FANCI: variants seen among roughly 807,000 people sequenced by gnomAD.
FANCI encodes the protein FA complementation group I, also known as Fanconi anemia group I protein.
In FANCI, 156 loss-of-function variants were observed where a neutral mutation model predicts 176.1. That is an observed-to-expected ratio of 0.89 (90% CI 0.78 to 1.01). FANCI has a LOEUF of 1.01. Among genes scored for constraint, FANCI ranks in the 50% least tolerant of loss-of-function variants. The pLI, the probability that FANCI is intolerant of heterozygous loss-of-function variation, is 0.00. For missense variants in FANCI, 1,678 were observed against 1,534.1 expected (o/e 1.09, Z -1.57); for synonymous variants, 613 against 541.7 (o/e 1.13, Z -1.83).
At position 89,300,387 on chromosome 15, in the gene FANCI, T is replaced by C. The variant is rs1357692627; in HGVS notation, c.2889+2T>C. On this transcript the variant is annotated splice_donor_variant, in intron 26 of 37. Coordinates refer to ENST00000310775, the MANE Select transcript of FANCI (RefSeq NM_001113378.2). LOFTEE classifies it high-confidence loss of function. Reference sequence around the variant, plus strand: ...GCATTCCAGATCCGGCAATTTCAGGTGAGAAGCCTTGCAAAGCTGCTGTAC... The same window carrying C: ...GCATTCCAGATCCGGCAATTTCAGGCGAGAAGCCTTGCAAAGCTGCTGTAC... The C allele has an allele frequency of 1.2e-6, 2 of 1,613,108 alleles. No homozygotes were observed. Among genetic ancestry groups the C allele is most frequent in the East Asian group, 4.5e-5 (2 of 44,862 alleles).
chr15:89,262,296 T>G (rs1296033605), intron 6 of FANCI, among the ~76,000 whole-genome samples: 1 of 152,140 alleles, frequency 6.6e-6, no homozygotes, highest in African/African-American at 2.4e-5. Context: ...ATGTATCCTT[T>G]AACCAGTAAT....
In FANCI at chr15:89,315,385, AAG is replaced by A; in HGVS notation, c.3923_3924del (p.Glu1308GlyfsTer29). 6.2e-7 allele frequency: 1 copy of A among 1,606,466 alleles called. No individual in the cohort carries two copies. Among genetic ancestry groups the A allele is most frequent in the African/African-American group, 1.3e-5 (1 of 74,872 alleles). ...CGAGAGGATGGTGAAGATGAAAATG[AAG>A]AGGTCAGTGCTGGCTTCTGTCTGGA... On this transcript the variant is annotated frameshift_variant and splice_region_variant, in exon 37 of 38. Coordinates refer to ENST00000310775, the MANE Select transcript of FANCI (RefSeq NM_001113378.2). LOFTEE classifies it high-confidence loss of function.
chr15:89,255,832 A>T (rs1306001403), intron 2 of FANCI, among the ~76,000 whole-genome samples: 1 of 152,226 alleles, frequency 6.6e-6, no homozygotes, highest in Non-Finnish European at 1.5e-5. Flanking sequence ...AAGACTGAAG[A>T]TCACATAAGT....
At chr15:89,308,490 G>A (rs2054817082) in intron 34 of FANCI, among the ~76,000 whole-genome samples, 1 of 152,218 alleles carries the variant, frequency 6.6e-6, no homozygotes, top group South Asian at 2.1e-4. Context: ...GTCAATCTCA[G>A]CCAAGATTCT....
chr15:89,301,382 C>T lies in FANCI; in HGVS notation c.2946C>T (p.Ala982=), dbSNP rs762453164. The T allele has an allele frequency of 1.1e-5, 18 of 1,613,944 alleles. No homozygotes were observed. The African/African-American group carries it at 1.7e-4, about 16-fold the overall frequency. The change falls in exon 27 of 38, where the codon GCC becomes GCT. Residue 982 remains alanine, a synonymous_variant. Coordinates refer to ENST00000310775, the MANE Select transcript of FANCI (RefSeq NM_001113378.2). Reference sequence around the variant, plus strand: ...AGGAAGATTTTAATAGCAAAGAAGCCCTCCTGCTAGTCACGGTTCTTACCA... The same window carrying T: ...AGGAAGATTTTAATAGCAAAGAAGCTCTCCTGCTAGTCACGGTTCTTACCA... ...SQEEDFNSKE[A]LLLVTVLTSL...
intron 35 of FANCI, among the ~76,000 whole-genome samples, chr15:89,314,221 G>C (rs575391358): frequency 6.6e-6 from 1 of 152,064 alleles, no homozygotes; most frequent in African/African-American, 2.4e-5. Flanking sequence ...TACAATTCAC[G>C]TTAGGGGGAA....
At chr15:89,315,435 G>T in intron 37 of FANCI, 46 bp downstream of exon 37, 5 of 1,332,740 alleles carry the variant, frequency 3.8e-6, no homozygotes, top group Non-Finnish European at 5.4e-6. Flanking sequence ...TTCCTAGCTG[G>T]TTAGCAGCCT....
intron 5 of FANCI, 37 bp downstream of exon 5, chr15:89,261,778 G>A: frequency 6.2e-7 from 1 of 1,614,096 alleles, no homozygotes; most frequent in Non-Finnish European, 8.5e-7. Flanking sequence ...TTTTCTCTAT[G>A]CACATAATCA....
chr15:89,261,224 T>C (rs543635739), intron 4 of FANCI, among the ~76,000 whole-genome samples: 12 of 152,198 alleles, frequency 7.9e-5, no homozygotes, highest in African/African-American at 2.4e-4. Flanking sequence ...TGAGCCGAGA[T>C]TGCACCGCTG....
chr15:89,295,869 G>A (rs1301084430), intron 24 of FANCI, among the ~76,000 whole-genome samples: 1 of 151,950 alleles, frequency 6.6e-6, no homozygotes, highest in Non-Finnish European at 1.5e-5. Flanking sequence ...TTCCTCCGAG[G>A]TTCAAGCAGT....
At chr15:89,272,673 TA>T (rs1363834989) in intron 10 of FANCI, among the ~76,000 whole-genome samples, 1 of 152,140 alleles carries the variant, frequency 6.6e-6, no homozygotes, top group South Asian at 2.1e-4. Context: ...TTATTACTAT[TA>T]AAAAATGTTT....
intron 24 of FANCI, among the ~76,000 whole-genome samples, chr15:89,297,800 GT>G (rs1218342891): frequency 4.1e-4 from 61 of 150,392 alleles, no homozygotes; most frequent in African/African-American, 1.3e-3. Flanking sequence ...GGGCTCGTTT[GT>G]TTTTTTGTTT....
At position 89,305,056 on chromosome 15, in the gene FANCI, G is replaced by C. The variant is rs528474615; in HGVS notation, c.3059-59G>C. 3.9e-5 allele frequency: 62 copies of C among 1,602,316 alleles called. No homozygotes were observed. In the South Asian group the frequency reaches 6.4e-4, roughly 17 times the overall value. ...CTCCCAAAGTGCTGGGATTACAGGC[G>C]TGAGCCACTGCACTTGGCCACAACT... On this transcript the variant is annotated intron_variant, in intron 28 of 37. Transcript: ENST00000310775.
chr15:89,285,754 T>C (rs932184145), intron 18 of FANCI, among the ~76,000 whole-genome samples: 2 of 152,176 alleles, frequency 1.3e-5, no homozygotes, highest in African/African-American at 4.8e-5. Flanking sequence ...TTGTTAATGA[T>C]TACAAGTTTA....
chr15:89,294,799 C>G, intron 23 of FANCI, 116 bp from the exon 24 acceptor site: 1 of 1,082,236 alleles, frequency 9.2e-7, no homozygotes, highest in Non-Finnish European at 1.3e-6. Flanking sequence ...TCGGAACTTA[C>G]TGGCAAGCTC....
intron 1 of FANCI, among the ~76,000 whole-genome samples, chr15:89,247,231 A>G (rs1180082192): frequency 1.3e-5 from 2 of 152,060 alleles, no homozygotes. Flanking sequence ...CTATTGGTTT[A>G]TTCATTTATT....
Position 89,305,137 on chromosome 15 carries a change from C to T in FANCI, c.3081C>T (p.Ser1027=), listed in dbSNP as rs1201487576. ...TAGAGGATGCCTTGTTTTGCAAGAG[C>T]TTGATGAACTTGCTCTTCAGCCTGC... ...NSREDALFCK[S]LMNLLFSLHV... is the part of the protein sequence containing the mutation. Residue 1027 remains serine (S), a synonymous_variant, in exon 29 of 38, where the codon AGC becomes AGT. Coordinates refer to ENST00000310775, the MANE Select transcript of FANCI (RefSeq NM_001113378.2). 6.2e-7 allele frequency: 1 copy of T among 1,614,092 alleles called. No individual in the cohort carries two copies. Among genetic ancestry groups the T allele is most frequent in the African/African-American group, 1.3e-5 (1 of 74,936 alleles).
intron 9 of FANCI, among the ~76,000 whole-genome samples, chr15:89,265,550 G>T (rs985958686): frequency 1.3e-4 from 19 of 148,770 alleles, no homozygotes; most frequent in Admixed American, 2.7e-4. Context: ...TTGAGATGGG[G>T]TCTCACTCTG....
At chr15:89,271,922 G>A (rs1316960065) in intron 10 of FANCI, among the ~76,000 whole-genome samples, 1 of 152,204 alleles carries the variant, frequency 6.6e-6, no homozygotes, top group Admixed American at 6.5e-5. Context: ...ACATTCAAAT[G>A]TAAGTCTTTG....
Sources: allele counts gnomAD v4.1 joint callset (sites outside exome capture counted in the v4.1 genomes callset), GRCh38; gene constraint gnomAD v4.1.1; transcripts MANE v1.5; gene names NCBI Gene and HGNC (gene_info 2026-07-23, HGNC 2026-07-21).